PPHLN1: variants seen among roughly 807,000 people sequenced by gnomAD.
PPHLN1 encodes the protein periphilin 1, also known as periphilin-1.
PPHLN1 carries 29 observed loss-of-function variants against 51.3 expected under a neutral mutation model. The observed-to-expected ratio is 0.57, with a 90% CI of 0.42 to 0.77. PPHLN1 has a LOEUF of 0.77. Ranked by LOEUF, PPHLN1 falls within the 30% of genes least tolerant of loss-of-function variation. The probability of loss-of-function intolerance (pLI) is 0.00; values close to 1 mark genes in which losing one functional copy is unlikely to be tolerated. For missense variants in PPHLN1, 436 were observed against 438.4 expected (o/e 0.99, Z 0.05); for synonymous variants, 147 against 147.8 (o/e 0.99, Z 0.04).
intron 4 of PPHLN1, among the ~76,000 whole-genome samples, chr12:42,360,119 A>AAAAAAAAAAAAAAAAAAAAAAAAAAG (rs755925900): frequency 6.7e-6 from 1 of 150,292 alleles, no homozygotes; most frequent in Non-Finnish European, 1.5e-5. Context: ...TCAAAAAAAA[A>AAAAAAAAAAAAAAAAAAAAAAAAAAG]AAAAGAAAAA....
At chr12:42,407,601 A>G (rs2079427073) in intron 9 of PPHLN1, among the ~76,000 whole-genome samples, 1 of 152,226 alleles carries the variant, frequency 6.6e-6, no homozygotes, top group Non-Finnish European at 1.5e-5. Context: ...GTGATTCCTC[A>G]GTATCCGTGG....
At chr12:42,441,268 C>A in intron 9 of PPHLN1, 47 bp from the exon 10 acceptor site, 3 of 1,537,428 alleles carry the variant, frequency 2.0e-6, no homozygotes, top group Non-Finnish European at 2.6e-6. Flanking sequence ...AAGTATTTGG[C>A]TAGTTATTTT....
intron 9 of PPHLN1, among the ~76,000 whole-genome samples, chr12:42,434,506 TG>T (rs2082310702): frequency 6.6e-6 from 1 of 152,194 alleles, no homozygotes; most frequent in Admixed American, 6.5e-5. Flanking sequence ...TTTGGAGGCC[TG>T]GGACCTGTGA....
At position 42,425,038 on chromosome 12, in the gene PPHLN1, TTATGTATG is replaced by T. The variant is rs71435906; in HGVS notation, c.910-16238_910-16231del. Among the ~76,000 whole-genome samples the T allele has an allele frequency of 8.2e-3, 1,129 of 136,948 alleles. 36 individuals are homozygous for T. In the East Asian group the frequency reaches 0.11, roughly 13 times the overall value. 89.8% of individuals were successfully genotyped at this position (136,948 alleles called of 152,430 possible). The stretch of plus-strand genomic sequence containing the variant: ...CTCAGGTTTTTATTTTTATTTTATT[TTATGTATG>T]TATGTATGTATGTATGTATGTATGT... On this transcript the variant is annotated intron_variant, in intron 9 of 9. Coordinates refer to ENST00000358314, the MANE Select transcript of PPHLN1 (RefSeq NM_201439.2).
intron 9 of PPHLN1, among the ~76,000 whole-genome samples, chr12:42,406,960 C>T (rs1308148094): frequency 6.6e-6 from 1 of 152,142 alleles, no homozygotes; most frequent in Non-Finnish European, 1.5e-5. Context: ...TTGGAAAGAT[C>T]ATATGTTTCT....
At position 42,371,111 on chromosome 12, in the gene PPHLN1, GTTTTTTTTTTTTT is replaced by G. The variant is rs59324305; in HGVS notation, c.300-3737_300-3725del. Among the ~76,000 whole-genome samples the G allele has an allele frequency of 3.3e-3, 216 of 64,734 alleles. 1 individual carries two copies. Among genetic ancestry groups the G allele is most frequent in the African/African-American group, 0.013 (201 of 15,958 alleles). 42.5% of individuals were successfully genotyped at this position (64,734 alleles called of 152,430 possible). On this transcript the variant is annotated intron_variant, in intron 4 of 9. Transcript: ENST00000358314. ...CGTGAGCCACCTCGCCCAGCCTGGT[GTTTTTTTTTTTTT>G]TTTTTTTTTTTTTTGAGACAGAGTC...
At chr12:42,424,908 A>G (rs1174256475) in intron 9 of PPHLN1, among the ~76,000 whole-genome samples, 3 of 152,194 alleles carry the variant, frequency 2.0e-5, no homozygotes, top group Non-Finnish European at 4.4e-5. Context: ...GAAAAAAAGC[A>G]TAATAACACG....
At chr12:42,337,544 C>T (rs2070849562) in intron 2 of PPHLN1, among the ~76,000 whole-genome samples, 2 of 151,714 alleles carry the variant, frequency 1.3e-5, no homozygotes, top group South Asian at 4.2e-4. Context: ...GGCCTGCCCA[C>T]CTTGGTCTCC....
At chr12:42,358,316 A>G (rs1592365295) in intron 4 of PPHLN1, among the ~76,000 whole-genome samples, 1 of 152,316 alleles carries the variant, frequency 6.6e-6, no homozygotes, top group East Asian at 1.9e-4. Context: ...CACAGCCATG[A>G]TAACATCTTG....
intron 9 of PPHLN1, among the ~76,000 whole-genome samples, chr12:42,440,143 ATTTAT>A (rs1163135795): frequency 6.7e-6 from 1 of 150,108 alleles, no homozygotes; most frequent in Non-Finnish European, 1.5e-5. Flanking sequence ...TATTCTATTT[ATTTAT>A]ATCTTCTTTC....
At chr12:42,406,171 C>T (rs751755923) in intron 9 of PPHLN1, among the ~76,000 whole-genome samples, 2 of 151,088 alleles carry the variant, frequency 1.3e-5, no homozygotes, top group Non-Finnish European at 2.9e-5. Flanking sequence ...GCAAACTCCA[C>T]CTTCCGGGTT....
At chr12:42,339,256 C>G (rs1225444639) in intron 2 of PPHLN1, among the ~76,000 whole-genome samples, 3 of 152,192 alleles carry the variant, frequency 2.0e-5, no homozygotes, top group Admixed American at 2.0e-4. Flanking sequence ...CATTTCTCTC[C>G]TTTTTCTTCA....
chr12:42,400,701 T>G (rs1459624128), intron 9 of PPHLN1, among the ~76,000 whole-genome samples: 1 of 151,764 alleles, frequency 6.6e-6, no homozygotes, highest in Non-Finnish European at 1.5e-5. Flanking sequence ...GAGGTTCTCT[T>G]AAGAATGTAA....
chr12:42,375,645 T>G (rs1436097288), intron 5 of PPHLN1, among the ~76,000 whole-genome samples: 3 of 152,144 alleles, frequency 2.0e-5, no homozygotes, highest in African/African-American at 7.2e-5. Flanking sequence ...CCTCTCTTAC[T>G]CTTTTCCAAC....
rs561794946 is a variant in PPHLN1, at chr12:42,408,860, G to A, written c.909+9866G>A. ...ACACTGAGAAAAAACTATTCCTTTG[G>A]TAATTCCTTGTATTGTAAATTACAG... On this transcript the variant is annotated intron_variant, in intron 9 of 9. Coordinates refer to ENST00000358314, the MANE Select transcript of PPHLN1 (RefSeq NM_201439.2). Among the ~76,000 whole-genome samples, 38 of 152,158 alleles carry A rather than the reference G, an allele frequency of 2.5e-4. 1 individual carries two copies. Among genetic ancestry groups the A allele is most frequent in the Middle Eastern group, 6.8e-3 (2 of 294 alleles).
intron 9 of PPHLN1, 136 bp from the exon 10 acceptor site, chr12:42,441,179 A>C: frequency 8.1e-7 from 1 of 1,237,930 alleles, no homozygotes; most frequent in Non-Finnish European, 1.1e-6. Flanking sequence ...TGACAATGCA[A>C]GGGCGAGAAA....
At chr12:42,367,069 C>T (rs2075343937) in intron 4 of PPHLN1, among the ~76,000 whole-genome samples, 1 of 152,144 alleles carries the variant, frequency 6.6e-6, no homozygotes, top group South Asian at 2.1e-4. Context: ...TCTCATTCTT[C>T]TCATCACAAT....
chr12:42,358,693 A>G (rs1473149621), intron 4 of PPHLN1, among the ~76,000 whole-genome samples: 2 of 152,256 alleles, frequency 1.3e-5, no homozygotes, highest in Admixed American at 6.5e-5. Context: ...GGCATGAGCC[A>G]TTGTTCCCGG....
intron 9 of PPHLN1, among the ~76,000 whole-genome samples, chr12:42,438,220 G>T (rs2082647292): frequency 6.6e-6 from 1 of 152,118 alleles, no homozygotes; most frequent in South Asian, 2.1e-4. Flanking sequence ...TGGTAAGACT[G>T]GGTTTTGCTT....
Sources: gnomAD v4.1 joint callset for allele counts (sites outside exome capture counted in the v4.1 genomes callset) on GRCh38, gnomAD v4.1.1 for gene constraint, MANE v1.5 for transcripts, NCBI Gene and HGNC (gene_info 2026-07-23, HGNC 2026-07-21) for gene names.